RAD51B: variants seen among roughly 807,000 people sequenced by gnomAD.
RAD51B encodes RAD51 paralog B, also known as DNA repair protein RAD51 homolog 2.
Under a neutral mutation model 42.2 loss-of-function variants are expected in RAD51B, and 38 were observed. The observed-to-expected ratio is 0.90, with a 90% CI of 0.70 to 1.18. RAD51B has a LOEUF of 1.18. Among genes scored for constraint, RAD51B ranks in the 50% most tolerant of loss-of-function variants. The pLI is 0.00. For missense variants in RAD51B, 373 were observed against 400.7 expected (o/e 0.93, Z 0.59); for synonymous variants, 154 against 145.2 (o/e 1.06, Z -0.43).
At chr14:68,272,635 T>TTATATATATATATATATATATATATA (rs1196934518) in intron 7 of RAD51B, among the ~76,000 whole-genome samples, 1 of 19,852 alleles carries the variant, frequency 5.0e-5, no homozygotes, top group Non-Finnish European at 8.8e-5. Context: ...TATAAACACT[T>TTATATATATATATATATATATATATA]TATATATATA....
intron 7 of RAD51B, among the ~76,000 whole-genome samples, chr14:68,029,956 G>A (rs1321749032): frequency 1.3e-5 from 2 of 152,184 alleles, no homozygotes; most frequent in African/African-American, 4.8e-5. Context: ...AGAGCTCTTG[G>A]TTGACTGGGT....
chr14:67,960,259 G>A (rs756428567), intron 7 of RAD51B, among the ~76,000 whole-genome samples: 11 of 152,218 alleles, frequency 7.2e-5, no homozygotes, highest in Non-Finnish European at 1.5e-4. Flanking sequence ...TCAAAGTCAT[G>A]TAATAGTAGG....
At chr14:67,924,965 G>C (rs1473270741) in intron 7 of RAD51B, among the ~76,000 whole-genome samples, 1 of 152,328 alleles carries the variant, frequency 6.6e-6, no homozygotes, top group Admixed American at 6.5e-5. Context: ...CATACAGTGG[G>C]ATACAGGCAT....
chr14:67,889,533 T>A (rs992406021), intron 7 of RAD51B, among the ~76,000 whole-genome samples: 19 of 148,160 alleles, frequency 1.3e-4, no homozygotes, highest in African/African-American at 4.4e-4. Context: ...AAATAAAAAA[T>A]ATATATAATA....
At chr14:68,258,517 T>G (rs1220447084) in intron 7 of RAD51B, among the ~76,000 whole-genome samples, 2 of 152,138 alleles carry the variant, frequency 1.3e-5, no homozygotes, top group African/African-American at 4.8e-5. Flanking sequence ...GAAACATATC[T>G]CTTTAACTAG....
At chr14:68,428,804 G>A (rs934354502) in intron 9 of RAD51B, among the ~76,000 whole-genome samples, 20 of 144,218 alleles carry the variant, frequency 1.4e-4, no homozygotes, top group Admixed American at 6.3e-4. Context: ...TGTGCACAAG[G>A]TGCAGGTTTG....
At chr14:67,872,820 G>C (rs1235591110) in intron 5 of RAD51B, among the ~76,000 whole-genome samples, 147 of 151,372 alleles carry the variant, frequency 9.7e-4, no homozygotes, top group African/African-American at 3.4e-3. Context: ...ACAAACCTGA[G>C]AAAAACAAGC....
chr14:68,603,628 A>G (rs1341451521), intron 10 of RAD51B, among the ~76,000 whole-genome samples: 1 of 152,214 alleles, frequency 6.6e-6, no homozygotes, highest in East Asian at 1.9e-4. Flanking sequence ...CTGTGAGGTC[A>G]TAAAAGGCCA....
chr14:68,074,413 T>C (rs548094330), intron 7 of RAD51B, among the ~76,000 whole-genome samples: 1 of 152,338 alleles, frequency 6.6e-6, no homozygotes, highest in South Asian at 2.1e-4. Context: ...GTTTTGTCTT[T>C]TATTCTCTTG....
At chr14:68,366,723 C>T (rs2139933775) in intron 8 of RAD51B, among the ~76,000 whole-genome samples, 1 of 152,314 alleles carries the variant, frequency 6.6e-6, no homozygotes. Flanking sequence ...AAATAACAGG[C>T]TTGTTGTCCC....
At chr14:68,625,886 G>A (rs144441023) in intron 10 of RAD51B, among the ~76,000 whole-genome samples, 10 of 152,298 alleles carry the variant, frequency 6.6e-5, no homozygotes, top group Admixed American at 2.0e-4. Context: ...TAGCAACTGC[G>A]TTCTTGGCCC....
chr14:67,832,803 C>CAA (rs1032292136), intron 3 of RAD51B, among the ~76,000 whole-genome samples: 70 of 151,948 alleles, frequency 4.6e-4, no homozygotes, highest in African/African-American at 1.7e-3. Flanking sequence ...CTGGAGCAGG[C>CAA]AAAACTAAAC....
intron 9 of RAD51B, among the ~76,000 whole-genome samples, chr14:68,428,705 CTTTA>C (rs2084914255): frequency 9.7e-6 from 1 of 103,418 alleles, no homozygotes; most frequent in Non-Finnish European, 1.9e-5. Flanking sequence ...GCAGGATTTT[CTTTA>C]TATATATATA....
At chr14:67,913,330 A>C (rs2044050120) in intron 7 of RAD51B, among the ~76,000 whole-genome samples, 1 of 152,238 alleles carries the variant, frequency 6.6e-6, no homozygotes, top group African/African-American at 2.4e-5. Context: ...TGGGTGATTC[A>C]TCAAAGTTGA....
chr14:68,415,693 C>G (rs139175773), intron 9 of RAD51B, among the ~76,000 whole-genome samples: 1 of 152,268 alleles, frequency 6.6e-6, no homozygotes, highest in Non-Finnish European at 1.5e-5. Flanking sequence ...GAAACTCTTG[C>G]TATTACAAAG....
At chr14:68,254,126 T>G (rs1415956850) in intron 7 of RAD51B, among the ~76,000 whole-genome samples, 1 of 152,220 alleles carries the variant, frequency 6.6e-6, no homozygotes. Flanking sequence ...TTGTGATTAG[T>G]GCCACTTCAT....
intron 8 of RAD51B, among the ~76,000 whole-genome samples, chr14:68,360,600 C>G (rs749350): frequency 0.04 from 6,111 of 152,320 alleles, 144 homozygotes; most frequent in African/African-American, 0.057. Context: ...ATGATATTGT[C>G]TCCTTTTTAG....
At chr14:68,392,216 C>T (rs73276232) in intron 8 of RAD51B, among the ~76,000 whole-genome samples, 60 of 152,266 alleles carry the variant, frequency 3.9e-4, no homozygotes, top group African/African-American at 1.4e-3. Context: ...CTACAGGGTA[C>T]ATTGGGGCAT....
chr14:68,682,910 CTT>C (rs535044457), intron 11 of RAD51B: 20,775 of 694,618 alleles, frequency 0.03, 48 homozygotes, highest in African/African-American at 0.056. Flanking sequence ...TAGCTTATGG[CTT>C]TTTTTTTTTT....
Sources: allele counts gnomAD v4.1 joint callset (sites outside exome capture counted in the v4.1 genomes callset), GRCh38; gene constraint gnomAD v4.1.1; transcripts MANE v1.5; gene names NCBI Gene and HGNC (gene_info 2026-07-23, HGNC 2026-07-21).